The following SPATA1 variants were observed in gnomAD, a reference collection of about 807,000 sequenced individuals.
SPATA1 encodes spermatogenesis-associated protein 1.
SPATA1 carries 57 observed loss-of-function variants against 59.6 expected under a neutral mutation model. The observed-to-expected ratio is 0.96, with a 90% CI of 0.77 to 1.19. SPATA1 has a LOEUF of 1.19. SPATA1 is among the 50% of genes most tolerant of loss of function. The pLI, the probability that SPATA1 is intolerant of heterozygous loss-of-function variation, is 0.00. For synonymous variants in SPATA1, 147 were observed against 163.9 expected (o/e 0.90, Z 0.79); for missense variants, 448 against 480.7 (o/e 0.93, Z 0.64).
chr1:84,543,674 A>G (rs192180137), intron 8 of SPATA1, among the ~76,000 whole-genome samples: 2 of 152,310 alleles, frequency 1.3e-5, no homozygotes, highest in African/African-American at 2.4e-5. Context: ...ATTCAACATG[A>G]TATTTGGATG....
chr1:84,558,546 C>T (rs1444437095), downstream of SPATA1, among the ~76,000 whole-genome samples: 1 of 151,212 alleles, frequency 6.6e-6, no homozygotes, highest in African/African-American at 2.4e-5. Context: ...CCGCCTCAGC[C>T]TCCCAAAGTG....
intron 12 of SPATA1, chr1:84,551,442 G>A (rs1004426931): frequency 4.1e-5 from 13 of 319,840 alleles, no homozygotes; most frequent in South Asian, 3.8e-4. Flanking sequence ...TGATAGAAAT[G>A]TTCTATGCCT....
At chr1:84,560,129 GA>G (rs1276676723) in intron 4 of SPATA1, among the ~76,000 whole-genome samples, 1 of 136,712 alleles carries the variant, frequency 7.3e-6, no homozygotes, top group African/African-American at 2.8e-5. Context: ...AAGAAAGAAA[GA>G]AAGGAAAGAA....
At chr1:84,537,374 T>C (rs1683740762) in intron 8 of SPATA1, among the ~76,000 whole-genome samples, 1 of 152,178 alleles carries the variant, frequency 6.6e-6, no homozygotes, top group African/African-American at 2.4e-5. Context: ...TGGATAAGCT[T>C]TGGATAGCTT....
chr1:84,510,771 CAG>C (rs1243953574), intron 1 of SPATA1, among the ~76,000 whole-genome samples: 1 of 152,146 alleles, frequency 6.6e-6, no homozygotes, highest in Non-Finnish European at 1.5e-5. Context: ...TGTCTATCAA[CAG>C]ATGAATGAAT....
At position 84,509,208 on chromosome 1, in the gene SPATA1, T is replaced by TAAA. The variant is rs547069684; in HGVS notation, c.-138+2802_-138+2804dup. 6.3e-3 allele frequency among the ~76,000 whole-genome samples: 841 copies of TAAA among 134,448 alleles called. 10 individuals carry two copies. Among genetic ancestry groups the TAAA allele is most frequent in the African/African-American group, 0.021 (780 of 36,970 alleles). The allele number at this position is 134,448 out of a possible 152,430, so 88.2% of individuals were successfully genotyped here. A position where few individuals can be genotyped will look rare whatever the true frequency, so the allele number is the denominator to read the frequency against. On this transcript the variant is annotated intron_variant, in intron 1 of 12. Transcript: ENST00000490879. Reference sequence around the variant, plus strand: ...TAACCAAAACAGCATGGTACTGGCATAAAAAAAAAAAAAACATAGACCAGT... The same window carrying TAAA: ...TAACCAAAACAGCATGGTACTGGCATAAAAAAAAAAAAAAAAACATAGACCAGT...
At chr1:84,535,713 G>A (rs895427753) in intron 8 of SPATA1, among the ~76,000 whole-genome samples, 1 of 147,432 alleles carries the variant, frequency 6.8e-6, no homozygotes, top group Admixed American at 6.8e-5. Flanking sequence ...GTTCTATCAG[G>A]TTTTTTTTTT....
rs189033326 is a variant in SPATA1 at position 84,542,736 on chromosome 1, T to C, written c.718-1466T>C. 2.6e-4 allele frequency among the ~76,000 whole-genome samples: 39 copies of C among 152,342 alleles called. 1 individual carries two copies. The East Asian group carries it at 6.4e-3, about 25-fold the overall frequency. Reference sequence around the variant, plus strand: ...TAGGCATAAATTTGGGTGGTTTTACTTGGCTTCTTTTTATGGTAGTTTGGA... The same window carrying C: ...TAGGCATAAATTTGGGTGGTTTTACCTGGCTTCTTTTTATGGTAGTTTGGA... On this transcript the variant is annotated intron_variant, in intron 8 of 12. Coordinates refer to ENST00000490879, the Ensembl canonical transcript of SPATA1.
At chr1:84,517,387 GC>G (rs1335413022) in intron 2 of SPATA1, among the ~76,000 whole-genome samples, 1 of 152,000 alleles carries the variant, frequency 6.6e-6, no homozygotes, top group Non-Finnish European at 1.5e-5. Context: ...CCAACTTTAT[GC>G]CAAGGATTTC....
At chr1:84,506,766 A>C (rs1570368568) in intron 1 of SPATA1, 1 of 152,404 alleles carries the variant, frequency 6.6e-6, no homozygotes, top group Admixed American at 6.5e-5. Flanking sequence ...GCTGTCGCGT[A>C]CCCAGCGGAG....
chr1:84,529,165 A>G (rs192816156), intron 6 of SPATA1, among the ~76,000 whole-genome samples: 66 of 152,260 alleles, frequency 4.3e-4, no homozygotes, highest in African/African-American at 1.5e-3. Context: ...ATTGGATATC[A>G]TATGTGAAAC....
At chr1:84,545,183 C>T (rs1254618393) in intron 9 of SPATA1, among the ~76,000 whole-genome samples, 2 of 150,392 alleles carry the variant, frequency 1.3e-5, no homozygotes, top group African/African-American at 4.9e-5. Context: ...CACCACTACA[C>T]TCCAGCCTGA....
At chr1:84,549,726 A>G (rs1684213556) in intron 11 of SPATA1, 1 of 152,176 alleles carries the variant, frequency 6.6e-6, no homozygotes, top group African/African-American at 2.4e-5. Flanking sequence ...CCACTTATCC[A>G]AAAGTAATTT....
At chr1:84,522,735 A>G (rs532387126) in intron 4 of SPATA1, among the ~76,000 whole-genome samples, 37 of 152,328 alleles carry the variant, frequency 2.4e-4, no homozygotes, top group African/African-American at 8.9e-4. Context: ...TTGCAAAGCA[A>G]AGAAATACCA....
At chr1:84,555,255 C>A, downstream of SPATA1, 1 of 1,347,406 alleles carries the variant, frequency 7.4e-7, no homozygotes. Context: ...TTCAGCACCA[C>A]AGGAAAGGGA....
At chr1:84,528,965 C>T (rs1683346504) in intron 6 of SPATA1, among the ~76,000 whole-genome samples, 1 of 152,076 alleles carries the variant, frequency 6.6e-6, no homozygotes, top group African/African-American at 2.4e-5. Flanking sequence ...CATTCATTCC[C>T]TCCCCACTGA....
At chr1:84,537,381 G>T (rs1000783099) in intron 8 of SPATA1, among the ~76,000 whole-genome samples, 1 of 152,130 alleles carries the variant, frequency 6.6e-6, no homozygotes. Flanking sequence ...GCTTTGGATA[G>T]CTTACTGAAG....
chr1:84,532,265 G>A (rs781718478), intron 6 of SPATA1, among the ~76,000 whole-genome samples: 1 of 152,196 alleles, frequency 6.6e-6, no homozygotes, highest in Non-Finnish European at 1.5e-5. Context: ...GGAGGCCAAG[G>A]TGGGCATATC....
intron 4 of SPATA1, chr1:84,563,274 G>A (rs1327941223): frequency 6.4e-7 from 1 of 1,555,512 alleles, no homozygotes. Context: ...TTATAATAAG[G>A]AGCCCGCTGA....
Sources: gnomAD v4.1 joint callset for allele counts (sites outside exome capture counted in the v4.1 genomes callset) on GRCh38, gnomAD v4.1.1 for gene constraint, MANE v1.5 for transcripts, NCBI Gene and HGNC (gene_info 2026-07-23, HGNC 2026-07-21) for gene names.